TASOR: variants seen among roughly 807,000 people sequenced by gnomAD.
The protein encoded by TASOR is transcription activation suppressor.
TASOR carries 53 observed loss-of-function variants against 178.6 expected under a neutral mutation model. That is an observed-to-expected ratio of 0.30 (90% CI 0.24 to 0.37). TASOR has a LOEUF of 0.37. Among genes scored for constraint, TASOR ranks in the 10% least tolerant of loss-of-function variants. The probability of loss-of-function intolerance (pLI) is 1.00; values close to 1 mark genes in which losing one functional copy is unlikely to be tolerated. For missense variants in TASOR, 1,815 were observed against 1,971.4 expected, an observed-to-expected ratio of 0.92 and a Z score of 1.50; for synonymous variants, 713 against 696.2, an observed-to-expected ratio of 1.02 and a Z score of -0.38.
intron 23 of TASOR, chr3:56,623,846 A>G (rs1407718918): frequency 1.9e-6 from 3 of 1,549,922 alleles, no homozygotes; most frequent in South Asian, 2.4e-5. Flanking sequence ...AACAGCATCT[A>G]AAGTTATACG....
At chr3:56,669,953 T>G in intron 4 of TASOR, 120 bp downstream of exon 4, 1 of 908,754 alleles carries the variant, frequency 1.1e-6, no homozygotes, top group Non-Finnish European at 1.6e-6. Flanking sequence ...ATGACTAGTC[T>G]TTTTCTGGGA....
At chr3:56,661,595 A>C (rs183493117) in intron 9 of TASOR, among the ~76,000 whole-genome samples, 1 of 152,268 alleles carries the variant, frequency 6.6e-6, no homozygotes, top group East Asian at 1.9e-4. Context: ...TAAACTGTTA[A>C]TCTTCACATG....
intron 1 of TASOR, among the ~76,000 whole-genome samples, chr3:56,678,107 ATT>A (rs2031470693): frequency 6.6e-6 from 1 of 151,756 alleles, no homozygotes; most frequent in Non-Finnish European, 1.5e-5. Context: ...TGGAATTCAA[ATT>A]TCCTGACTCT....
chr3:56,667,143 C>A (rs745383332), intron 6 of TASOR, among the ~76,000 whole-genome samples: 1 of 152,186 alleles, frequency 6.6e-6, no homozygotes, highest in Non-Finnish European at 1.5e-5. Context: ...ATACTTCACA[C>A]CTACCAATAT....
intron 14 of TASOR, among the ~76,000 whole-genome samples, chr3:56,644,520 C>G (rs991314773): frequency 2.6e-5 from 4 of 152,202 alleles, no homozygotes; most frequent in Non-Finnish European, 5.9e-5. Context: ...CCATGACATA[C>G]TCTAGGCAGA....
At chr3:56,664,151 G>A (rs2077659580) in intron 7 of TASOR, 1 of 152,078 alleles carries the variant, frequency 6.6e-6, no homozygotes, top group South Asian at 2.1e-4. Context: ...GTGAAGAAAT[G>A]TAGAATGAAT....
intron 17 of TASOR, 81 bp from the exon 18 acceptor site, chr3:56,634,047 A>G: frequency 8.6e-7 from 1 of 1,160,476 alleles, no homozygotes; most frequent in Non-Finnish European, 1.2e-6. Flanking sequence ...TTGGGGGAAA[A>G]AAGGGTTAAC....
Position 56,646,626 on chromosome 3 carries a change from A to G in TASOR, c.2111T>C (p.Met704Thr), listed in dbSNP as rs759399275. The G allele has an allele frequency of 1.5e-5, 25 of 1,613,330 alleles. No individual in the cohort carries two copies. The highest frequency in any genetic ancestry group is 1.9e-5 in the Non-Finnish European group (23 of 1,180,022). The change falls in exon 14 of 24, where the codon ATG becomes ACG. Residue 704 changes from methionine to threonine, a missense_variant. Transcript: ENST00000683822. ...CCTCTTCAAGACAGTTTTGCTTCTC[A>G]TATCTTCTGTGTCTGAGTCCCCACC... is the stretch of plus-strand genomic sequence containing the variant. Reference protein sequence around the residue: ...SVGGDSDTEDMRSKTVLKRKL... With the variant: ...SVGGDSDTEDTRSKTVLKRKL...
intron 19 of TASOR, among the ~76,000 whole-genome samples, chr3:56,627,993 G>A (rs2076834397): frequency 6.6e-6 from 1 of 152,124 alleles, no homozygotes; most frequent in Non-Finnish European, 1.5e-5. Context: ...ACACAAAATG[G>A]ACAAAAGCTG....
At position 56,623,477 on chromosome 3, in the gene TASOR, G is replaced by T. The variant is rs373715260; in HGVS notation, c.4573C>A (p.His1525Asn). 6.2e-7 allele frequency: 1 copy of T among 1,613,194 alleles called. No homozygotes were observed. The highest frequency in any genetic ancestry group is 8.5e-7 in the Non-Finnish European group (1 of 1,179,954). The stretch of plus-strand genomic sequence containing the variant: ...GTCTCTTTCTCCCATATTTCTGAAT[G>T]AAAATTGCTGCATACTTCTATATGT... ...ISHIEVCSNFHSEIWEKETKG... is the reference protein window; with the variant it reads ...ISHIEVCSNFNSEIWEKETKG... The change falls in exon 24 of 24, where the codon CAT becomes AAT. Residue 1525 changes from histidine (H) to asparagine (N), a missense_variant. Physicochemically the swap from His to Asn is moderately conservative, Grantham distance 68. This residue lies in a region of TASOR where 278 missense variants were observed against 257.1 expected (regional missense o/e 1.08). Coordinates refer to ENST00000683822, the MANE Select transcript of TASOR (RefSeq NM_001365635.2).
chr3:56,676,492 C>G (rs187377983), intron 1 of TASOR, among the ~76,000 whole-genome samples: 1 of 152,154 alleles, frequency 6.6e-6, no homozygotes, highest in African/African-American at 2.4e-5. Context: ...GCAAGGAAAG[C>G]AGCATGTGGA....
chr3:56,673,782 C>A, intron 1 of TASOR, 57 bp from the exon 2 acceptor site: 4 of 1,390,644 alleles, frequency 2.9e-6, no homozygotes, highest in Non-Finnish European at 3.8e-6. Flanking sequence ...TTAAATATAG[C>A]TTTTTATATT....
chr3:56,667,253 T>C (rs1191087738), intron 6 of TASOR, among the ~76,000 whole-genome samples: 1 of 152,200 alleles, frequency 6.6e-6, no homozygotes, highest in Non-Finnish European at 1.5e-5. Context: ...AAAATTTTAT[T>C]TTACATAAAT....
intron 11 of TASOR, among the ~76,000 whole-genome samples, chr3:56,655,158 C>G (rs2077442846): frequency 6.6e-6 from 1 of 152,128 alleles, no homozygotes; most frequent in Admixed American, 6.5e-5. Context: ...ACATAAAAAA[C>G]TACTGTGGAC....
intron 23 of TASOR, chr3:56,623,950 T>A: frequency 1.2e-6 from 1 of 818,016 alleles, no homozygotes; most frequent in Non-Finnish European, 1.9e-6. Flanking sequence ...ACTAAATGAA[T>A]GATCATTTCT....
rs768645875 is a variant in TASOR, at chr3:56,641,554, T to C, written c.2414A>G (p.Tyr805Cys). ...KALGLSTDDAYEELRQKHEYE... is the reference protein window; with the variant it reads ...KALGLSTDDACEELRQKHEYE... ...CTCATGTTTTTGCCTCAGCTCTTCA[T>C]AGGCATCATCAGTGCTCAATCCTAA... Residue 805 changes from tyrosine to cysteine, a missense_variant, in exon 15 of 24, where the codon TAT becomes TGT. Around this residue, in one of 5 missense-constraint regions of TASOR, gnomAD observed 655 missense variants for 671.1 expected, o/e 0.98. Coordinates refer to ENST00000683822, the MANE Select transcript of TASOR (RefSeq NM_001365635.2). 78 of 1,614,112 alleles carry C rather than the reference T, an allele frequency of 4.8e-5. No individual in the cohort carries two copies. The highest frequency in any genetic ancestry group is 5.9e-5 in the Non-Finnish European group (70 of 1,180,034).
intron 2 of TASOR, 73 bp from the exon 3 acceptor site, chr3:56,671,765 T>C (rs1578291608): frequency 8.1e-7 from 1 of 1,227,806 alleles, no homozygotes; most frequent in East Asian, 2.6e-5. Flanking sequence ...TTTATTTTTT[T>C]TTCCAAGAAA....
chr3:56,668,986 AAAT>A (rs1164712922), intron 5 of TASOR, among the ~76,000 whole-genome samples: 2 of 152,106 alleles, frequency 1.3e-5, no homozygotes, highest in Non-Finnish European at 2.9e-5. Context: ...AAAATAAATA[AAAT>A]AATATCTCAT....
At chr3:56,676,369 GAA>G (rs1385173281) in intron 1 of TASOR, among the ~76,000 whole-genome samples, 1 of 152,166 alleles carries the variant, frequency 6.6e-6, no homozygotes. Context: ...TGAAAGCTCA[GAA>G]AAGAGGGTAG....
Sources: allele counts gnomAD v4.1 joint callset (sites outside exome capture counted in the v4.1 genomes callset), GRCh38; gene constraint gnomAD v4.1.1; regional missense constraint gnomAD v4.1.1; transcripts MANE v1.5; gene names NCBI Gene and HGNC (gene_info 2026-07-23, HGNC 2026-07-21).